The following CNNM4 variants were observed in gnomAD, a reference collection of about 807,000 sequenced individuals.
CNNM4 encodes the protein metal transporter CNNM4.
Under a neutral mutation model 53.7 loss-of-function variants are expected in CNNM4, and 32 were observed. The ratio of observed to expected loss-of-function variants is 0.60; its 90% CI spans 0.45 to 0.80. The LOEUF (loss-of-function observed/expected upper bound fraction) is 0.80. Among genes scored for constraint, CNNM4 ranks in the 30% least tolerant of loss-of-function variants. The pLI, the probability that CNNM4 is intolerant of heterozygous loss-of-function variation, is 0.00. For missense variants in CNNM4, 784 were observed against 1,022.0 expected (o/e 0.77, Z 3.17); for synonymous variants, 410 against 440.0 (o/e 0.93, Z 0.85).
rs980858076 is a variant in CNNM4, at chr2:96,801,042, G to A, written c.1948+1394G>A. The A allele has an allele frequency of 1.3e-5, 13 of 976,248 alleles. No individual in the cohort carries two copies. The highest frequency in any genetic ancestry group is 5.2e-4 in the Middle Eastern group (1 of 1,928). The allele number at this position is 976,248 out of a possible 1,614,324, so 60.5% of individuals were successfully genotyped here. ...GTTCCGTGTCCTGTCTCCTGACTGC[G>A]CCCATCACTGACCTTCTCTTTTGCT... On this transcript the variant is annotated intron_variant, in intron 5 of 6. Coordinates refer to ENST00000377075, the MANE Select transcript of CNNM4 (RefSeq NM_020184.4). This position sits in a 1 kb window ranked among gnomAD's most constrained non-coding sequence, Gnocchi z 5.6.
chr2:96,765,770 G>A (rs892957046), intron 1 of CNNM4, among the ~76,000 whole-genome samples: 4 of 150,774 alleles, frequency 2.7e-5, no homozygotes, highest in African/African-American at 9.8e-5. Context: ...CCTTTTTGCT[G>A]TTCTTTTTTT....
At chr2:96,786,222 G>T (rs1162536879) in intron 1 of CNNM4, among the ~76,000 whole-genome samples, 5 of 151,722 alleles carry the variant, frequency 3.3e-5, no homozygotes, top group Admixed American at 2.6e-4. Context: ...TTTGAAACCA[G>T]CGTGGCCAAC....
chr2:96,785,937 A>G (rs963582843), intron 1 of CNNM4, among the ~76,000 whole-genome samples: 6 of 151,940 alleles, frequency 3.9e-5, no homozygotes, highest in African/African-American at 1.5e-4. Context: ...AATACAAAAA[A>G]TTAGCCGGGC....
chr2:96,761,164 C>G lies in CNNM4; in HGVS notation c.165C>G (p.Asn55Lys). Residue 55 changes from asparagine to lysine, a missense_variant, in exon 1 of 7, where the codon AAC becomes AAG. By Grantham distance (94) the Asn-to-Lys change is moderately conservative. This residue lies in a region of CNNM4 where 473 missense variants were observed against 624.6 expected (regional missense o/e 0.76). Transcript: ENST00000377075. This position sits in a 1 kb window ranked among gnomAD's most constrained non-coding sequence, Gnocchi z 6.0. ...TGGGCATGAGGCTGGCGAGCTGCAACAAGTCGTGTGGGACGAACCCGGATG... is the reference window on the plus strand; with the variant it reads ...TGGGCATGAGGCTGGCGAGCTGCAAGAAGTCGTGTGGGACGAACCCGGATG... Reference protein sequence around the residue: ...TIVGMRLASCNKSCGTNPDGI... With the variant: ...TIVGMRLASCKKSCGTNPDGI... 6.2e-7 allele frequency: 1 copy of G among 1,610,572 alleles called. No individual in the cohort carries two copies. Among genetic ancestry groups the G allele is most frequent in the Non-Finnish European group, 8.5e-7 (1 of 1,177,336 alleles).
chr2:96,780,472 C>G (rs1458946773), intron 1 of CNNM4, among the ~76,000 whole-genome samples: 3 of 146,860 alleles, frequency 2.0e-5, no homozygotes, highest in Non-Finnish European at 4.5e-5. Context: ...GTTGTCCAGG[C>G]TGGTCTCAAA....
intron 5 of CNNM4, 88 bp downstream of exon 5, chr2:96,799,736 G>C (rs573950374): frequency 1.8e-6 from 2 of 1,122,126 alleles, no homozygotes; most frequent in East Asian, 2.6e-5. Flanking sequence ...GCATGGGCCC[G>C]AGAGCTCATA....
intron 6 of CNNM4, 83 bp from the exon 7 acceptor site, chr2:96,809,237 A>T: frequency 6.3e-7 from 1 of 1,585,314 alleles, no homozygotes; most frequent in Non-Finnish European, 8.6e-7. Context: ...CACAGCCTCA[A>T]TCCTGGCCCT....
In CNNM4 at chr2:96,762,073, G is replaced by A; in HGVS notation, c.1074G>A (p.Glu358=). ...TEPYNDLVKE[E]LNMIQGALEL... ...CCTATAATGACCTCGTGAAAGAGGAGCTCAATATGATCCAGGGTGCCCTGG... is the reference window on the plus strand; with the variant it reads ...CCTATAATGACCTCGTGAAAGAGGAACTCAATATGATCCAGGGTGCCCTGG... The change falls in exon 1 of 7, where the codon GAG becomes GAA. Residue 358 remains glutamate (E), a synonymous_variant. Transcript: ENST00000377075. 6.2e-7 allele frequency: 1 copy of A among 1,614,150 alleles called. No individual in the cohort carries two copies. Among genetic ancestry groups the A allele is most frequent in the Non-Finnish European group, 8.5e-7 (1 of 1,180,034 alleles).
In CNNM4 at chr2:96,761,801, G is replaced by A. The variant is rs1043975317; in HGVS notation, c.802G>A (p.Gly268Ser). 6.2e-6 allele frequency: 10 copies of A among 1,613,768 alleles called. No individual in the cohort carries two copies. The highest frequency in any genetic ancestry group is 1.3e-5 in the African/African-American group (1 of 75,038). Reference protein sequence around the residue: ...TILLDNLIGSGLMAVASSTIG... With the variant: ...TILLDNLIGSSLMAVASSTIG... ...CCTTCTAGACAACCTCATCGGGTCC[G>A]GCCTCATGGCGGTGGCCTCCTCCAC... The change falls in exon 1 of 7, where the codon GGC becomes AGC. Residue 268 changes from glycine (G) to serine (S), a missense_variant. By Grantham distance (56) the Gly-to-Ser change is moderately conservative. This residue lies in a region of CNNM4 where 473 missense variants were observed against 624.6 expected (regional missense o/e 0.76). Transcript: ENST00000377075. The surrounding 1 kb of genome is among the most constrained non-coding windows in gnomAD (Gnocchi z 6.0).
At chr2:96,785,549 G>T (rs1010972220) in intron 1 of CNNM4, among the ~76,000 whole-genome samples, 3 of 151,680 alleles carry the variant, frequency 2.0e-5, no homozygotes, top group African/African-American at 7.3e-5. Context: ...GAGGATCAGT[G>T]GAGTCCAGGA....
intron 1 of CNNM4, among the ~76,000 whole-genome samples, chr2:96,773,570 C>T (rs997117590): frequency 2.0e-5 from 3 of 152,044 alleles, no homozygotes; most frequent in Admixed American, 6.6e-5. Context: ...TGGCAAGGCG[C>T]GGTGGCTCAT....
rs965063384 is a variant in CNNM4 at position 96,785,022 on chromosome 2, T to C, written c.1403-11990T>C. Among the ~76,000 whole-genome samples the C allele has an allele frequency of 1.9e-4, 29 of 152,206 alleles. No individual in the cohort carries two copies. In the East Asian group the frequency reaches 3.9e-3, roughly 20 times the overall value. ...CCTCCTGAGCAGCTGAGATTATAGG[T>C]GGGCACCACCACGCCCAGCTAATTT... On this transcript the variant is annotated intron_variant, in intron 1 of 6. Coordinates refer to ENST00000377075, the MANE Select transcript of CNNM4 (RefSeq NM_020184.4).
chr2:96,790,790 C>T (rs2079055890), intron 1 of CNNM4, among the ~76,000 whole-genome samples: 1 of 149,848 alleles, frequency 6.7e-6, no homozygotes, highest in African/African-American at 2.5e-5. Flanking sequence ...TAGAGACCAG[C>T]CTAGGGAACA....
rs577957825 is a variant in CNNM4, at chr2:96,764,631, C to G, written c.1402+2230C>G. ...GCCTCTTCCAGACCTTCCAATCTGGCGTCCACCTTCTTAGTCTGAGATTAC... is the reference window on the plus strand; with the variant it reads ...GCCTCTTCCAGACCTTCCAATCTGGGGTCCACCTTCTTAGTCTGAGATTAC... On this transcript the variant is annotated intron_variant, in intron 1 of 6. Coordinates refer to ENST00000377075, the MANE Select transcript of CNNM4 (RefSeq NM_020184.4). Among the ~76,000 whole-genome samples, 238 of 152,330 alleles carry G rather than the reference C, an allele frequency of 1.6e-3. 2 individuals are homozygous for G. Among genetic ancestry groups the G allele is most frequent in the South Asian group, 2.7e-3 (13 of 4,832 alleles).
chr2:96,784,710 C>G (rs1409161159), intron 1 of CNNM4, among the ~76,000 whole-genome samples: 1 of 152,114 alleles, frequency 6.6e-6, no homozygotes, highest in Admixed American at 6.6e-5. Flanking sequence ...GGGGTGTGAC[C>G]CTGGGCATGA....
chr2:96,799,036 C>T (rs1325807511), intron 3 of CNNM4, 21 bp from the exon 4 acceptor site: 10 of 1,613,458 alleles, frequency 6.2e-6, no homozygotes, highest in South Asian at 1.1e-5. Context: ...CGTGTGAGGT[C>T]TCTTCTCTCT....
chr2:96,766,553 A>G lies in CNNM4; in HGVS notation c.1402+4152A>G, dbSNP rs560266499. 3.3e-5 allele frequency among the ~76,000 whole-genome samples: 5 copies of G among 151,286 alleles called. No homozygotes were observed. The South Asian group carries it at 1.1e-3, about 32-fold the overall frequency. On this transcript the variant is annotated intron_variant, in intron 1 of 6. Coordinates refer to ENST00000377075, the MANE Select transcript of CNNM4 (RefSeq NM_020184.4). ...AAACTGCACCCACCATCCCACCCCA[A>G]CTTCCTAATCTCCCCTGCCCTGTGC...
intron 1 of CNNM4, among the ~76,000 whole-genome samples, chr2:96,780,900 A>T (rs1301680157): frequency 7.2e-6 from 1 of 139,066 alleles, no homozygotes; most frequent in African/African-American, 2.7e-5. Flanking sequence ...CACCACACCC[A>T]GCTAATTTTT....
intron 6 of CNNM4, 113 bp from the exon 7 acceptor site, chr2:96,809,207 G>T: frequency 6.4e-7 from 1 of 1,552,510 alleles, no homozygotes; most frequent in East Asian, 2.4e-5. Context: ...GACGCTGACT[G>T]GTCATGTTCT....
Sources: allele counts gnomAD v4.1 joint callset (sites outside exome capture counted in the v4.1 genomes callset), GRCh38; gene constraint gnomAD v4.1.1; regional missense constraint gnomAD v4.1.1; non-coding constraint Gnocchi (gnomAD v3.1); transcripts MANE v1.5; gene names NCBI Gene and HGNC (gene_info 2026-07-23, HGNC 2026-07-21).